SIDT1: variants seen among roughly 807,000 people sequenced by gnomAD.
The protein encoded by SIDT1 is SID1 transmembrane family member 1.
A neutral mutation model predicts 107.5 loss-of-function variants in SIDT1; 101 were observed. That is an observed-to-expected ratio of 0.94 (90% CI 0.80 to 1.11). The LOEUF (loss-of-function observed/expected upper bound fraction) is 1.11. Among genes scored for constraint, SIDT1 ranks in the 50% least tolerant of loss-of-function variants. The pLI is 0.00. For synonymous variants in SIDT1, 395 were observed against 398.2 expected (o/e 0.99, Z 0.10); for missense variants, 1,076 against 1,058.2 (o/e 1.02, Z -0.23).
At chr3:113,585,583 A>G (rs536890284) in intron 9 of SIDT1, among the ~76,000 whole-genome samples, 7 of 152,354 alleles carry the variant, frequency 4.6e-5, no homozygotes, top group Admixed American at 1.3e-4. Flanking sequence ...GGCAACATGT[A>G]TATTTTTTAA....
At chr3:113,625,196 G>A (rs1402364657) in intron 23 of SIDT1, among the ~76,000 whole-genome samples, 5 of 152,024 alleles carry the variant, frequency 3.3e-5, no homozygotes, top group African/African-American at 1.2e-4. Flanking sequence ...GAGTGCAATG[G>A]CGCAATCTCG....
chr3:113,575,512 T>C (rs543466122), intron 3 of SIDT1, among the ~76,000 whole-genome samples: 6 of 152,240 alleles, frequency 3.9e-5, no homozygotes, highest in Non-Finnish European at 8.8e-5. Flanking sequence ...CTTTAGCTTC[T>C]TTAGGCGACT....
chr3:113,597,770 CA>C (rs1560098746), intron 10 of SIDT1, among the ~76,000 whole-genome samples: 1 of 152,188 alleles, frequency 6.6e-6, no homozygotes, highest in Non-Finnish European at 1.5e-5. Flanking sequence ...AAACACATAT[CA>C]AAACAAGTTT....
intron 9 of SIDT1, chr3:113,590,101 T>A (rs1576874239): frequency 1.3e-5 from 2 of 152,408 alleles, no homozygotes; most frequent in Middle Eastern, 6.8e-3. Flanking sequence ...AGATTAGATT[T>A]GATTGGCAGG....
chr3:113,616,281 C>A (rs1485432783), intron 20 of SIDT1, 105 bp downstream of exon 20: 122 of 849,218 alleles, frequency 1.4e-4, no homozygotes, highest in Non-Finnish European at 1.1e-4. Flanking sequence ...ATCAAGAAGG[C>A]CAGATGGCCC....
intron 20 of SIDT1, among the ~76,000 whole-genome samples, chr3:113,617,415 G>C (rs1418586871): frequency 6.6e-6 from 1 of 152,208 alleles, no homozygotes; most frequent in African/African-American, 2.4e-5. Context: ...TTCCTCCTCT[G>C]AGCCCACTGC....
Position 113,547,485 on chromosome 3 carries a change from T to C in SIDT1, c.222+14242T>C, listed in dbSNP as rs942502194. ...CTTTGAATTCTCGTTCCCTCATTTT[T>C]TGTTTTTGCTGTGACAATAATAAAC... is the stretch of plus-strand genomic sequence containing the variant. On this transcript the variant is annotated intron_variant, in intron 1 of 24. Coordinates refer to ENST00000264852, the MANE Select transcript of SIDT1 (RefSeq NM_017699.3). Among the ~76,000 whole-genome samples the C allele has an allele frequency of 5.9e-5, 9 of 152,314 alleles. 1 individual carries two copies. Among genetic ancestry groups the C allele is most frequent in the Admixed American group, 5.9e-4 (9 of 15,300 alleles).
In SIDT1 at chr3:113,584,761, C is replaced by T. The variant is rs762271466; in HGVS notation, c.899C>T (p.Ser300Phe). 15 of 1,589,290 alleles carry T rather than the reference C, an allele frequency of 9.4e-6. No homozygotes were observed. The highest frequency in any genetic ancestry group is 2.3e-5 in the South Asian group (2 of 85,372). ...AACCTTGAAGTGACCATTGTCCCTT[C>T]CATTAAAGGTCAGTGTTGGCTCCAG... ...KKNLEVTIVP[S>F]IKESVYVKSS... Residue 300 changes from serine (S) to phenylalanine (F), a missense_variant, in exon 8 of 25, where the codon TCC becomes TTC. Coordinates refer to ENST00000264852, the MANE Select transcript of SIDT1 (RefSeq NM_017699.3).
chr3:113,551,439 T>C (rs1940215628), intron 1 of SIDT1, among the ~76,000 whole-genome samples: 1 of 152,246 alleles, frequency 6.6e-6, no homozygotes, highest in Non-Finnish European at 1.5e-5. Context: ...TAGCCAGGAA[T>C]GTAACTCAAG....
chr3:113,552,526 G>C (rs1940375783), intron 1 of SIDT1, among the ~76,000 whole-genome samples: 1 of 152,176 alleles, frequency 6.6e-6, no homozygotes, highest in African/African-American at 2.4e-5. Context: ...ATATCCAGTA[G>C]CTCACAAAAG....
intron 3 of SIDT1, among the ~76,000 whole-genome samples, chr3:113,570,822 G>A (rs1422458986): frequency 4.6e-5 from 7 of 152,140 alleles, no homozygotes; most frequent in Non-Finnish European, 1.5e-5. Context: ...TAATGTATAT[G>A]GAACACATTT....
chr3:113,625,797 T>C, intron 23 of SIDT1: 1 of 274,296 alleles, frequency 3.6e-6, no homozygotes, highest in Non-Finnish European at 6.8e-6. Context: ...TATTAATTTC[T>C]TGTCAGATGG....
At chr3:113,604,432 G>A (rs1044143468) in intron 13 of SIDT1, among the ~76,000 whole-genome samples, 5 of 152,154 alleles carry the variant, frequency 3.3e-5, no homozygotes, top group Admixed American at 6.5e-5. Context: ...CACGTGATCC[G>A]TCACTCATTA....
chr3:113,595,910 A>C (rs1224455427), intron 10 of SIDT1, among the ~76,000 whole-genome samples: 1 of 152,202 alleles, frequency 6.6e-6, no homozygotes, highest in Non-Finnish European at 1.5e-5. Context: ...TTTTTTAGGC[A>C]TCTCAAACAG....
intron 1 of SIDT1, among the ~76,000 whole-genome samples, chr3:113,540,479 G>A (rs1378431578): frequency 6.6e-6 from 1 of 152,146 alleles, no homozygotes; most frequent in Non-Finnish European, 1.5e-5. Flanking sequence ...TATTTATACA[G>A]TTTGTTTTCT....
chr3:113,605,706 T>C (rs1945277513), intron 14 of SIDT1, among the ~76,000 whole-genome samples: 1 of 152,052 alleles, frequency 6.6e-6, no homozygotes, highest in Non-Finnish European at 1.5e-5. Context: ...TTTTGTAAAA[T>C]TAAAAACAGC....
At chr3:113,564,970 T>A (rs1478319899) in intron 1 of SIDT1, among the ~76,000 whole-genome samples, 15 of 152,208 alleles carry the variant, frequency 9.9e-5, no homozygotes, top group Admixed American at 9.8e-4. Flanking sequence ...GAAAATGATA[T>A]GAGAACCAAA....
In SIDT1 at chr3:113,628,928, G is replaced by A. The variant is rs1265172901; in HGVS notation, c.*1220G>A. The stretch of plus-strand genomic sequence containing the variant: ...CCCCAGTAAGGTGTTGGCAAGCTCA[G>A]CATCTGGGTTCCACTCTCACACTGT... On this transcript the variant is annotated 3_prime_UTR_variant, in exon 25 of 25. Coordinates refer to ENST00000264852, the MANE Select transcript of SIDT1 (RefSeq NM_017699.3). 2.0e-5 allele frequency: 3 copies of A among 152,232 alleles called. No homozygotes were observed. Among genetic ancestry groups the A allele is most frequent in the Non-Finnish European group, 4.4e-5 (3 of 68,046 alleles). The allele number at this position is 152,232 out of a possible 1,614,324, so 9.4% of individuals were successfully genotyped here.
At chr3:113,536,845 T>A (rs1047416192) in intron 1 of SIDT1, among the ~76,000 whole-genome samples, 11 of 152,256 alleles carry the variant, frequency 7.2e-5, no homozygotes, top group African/African-American at 2.7e-4. Context: ...TTCATTTCAT[T>A]TCTCTGGAAG....
Sources: allele counts gnomAD v4.1 joint callset (sites outside exome capture counted in the v4.1 genomes callset), GRCh38; gene constraint gnomAD v4.1.1; transcripts MANE v1.5; gene names NCBI Gene and HGNC (gene_info 2026-07-23, HGNC 2026-07-21).